The following EFR3A variants were observed in gnomAD, a reference collection of about 807,000 sequenced individuals.
EFR3A encodes protein EFR3 homolog A.
In EFR3A, 76 loss-of-function variants were observed where a neutral mutation model predicts 104.4. The observed-to-expected ratio is 0.73, with a 90% confidence interval of 0.60 to 0.88. The LOEUF is 0.88. Ranked by LOEUF, EFR3A falls within the 40% of genes least tolerant of loss-of-function variation. The pLI, the probability that EFR3A is intolerant of heterozygous loss-of-function variation, is 0.00. For missense variants in EFR3A, 985 were observed against 1,012.5 expected (o/e 0.97, Z 0.37); for synonymous variants, 330 against 330.0 (o/e 1.00, Z 0.00).
At chr8:131,980,368 C>CT (rs1488948879) in intron 14 of EFR3A, among the ~76,000 whole-genome samples, 156 of 151,966 alleles carry the variant, frequency 1.0e-3, no homozygotes, top group African/African-American at 3.5e-3. Flanking sequence ...AATGTGATTC[C>CT]TTGAATAAAA....
intron 22 of EFR3A, among the ~76,000 whole-genome samples, chr8:132,004,045 A>G (rs1017673515): frequency 1.3e-5 from 2 of 152,174 alleles, no homozygotes; most frequent in African/African-American, 4.8e-5. Context: ...AATATTAGAG[A>G]CAGGTAAATG....
chr8:132,010,878 G>T lies in EFR3A; in HGVS notation c.2449G>T (p.Asp817Tyr). The T allele has an allele frequency of 1.9e-6, 3 of 1,612,368 alleles. No individual in the cohort carries two copies. The highest frequency in any genetic ancestry group is 2.5e-6 in the Non-Finnish European group (3 of 1,178,802). ...CCCAGTCTATGAGATGAAGTTTCCAGATCTGTGTGTGTACTGATCGGCGCA... is the reference window on the plus strand; with the variant it reads ...CCCAGTCTATGAGATGAAGTTTCCATATCTGTGTGTGTACTGATCGGCGCA... ...SVPVYEMKFP[D>Y]LCVY is the part of the protein sequence containing the mutation. The change falls in exon 23 of 23, where the codon GAT becomes TAT. Residue 817 changes from aspartate (D) to tyrosine (Y), a missense_variant. Asp to Tyr is a radical substitution (Grantham distance 160, BLOSUM62 -3). Transcript: ENST00000254624.
Position 131,992,647 on chromosome 8 carries a change from G to A in EFR3A, c.2066-3759G>A, listed in dbSNP as rs189813943. Among the ~76,000 whole-genome samples, 413 of 152,286 alleles carry A rather than the reference G, an allele frequency of 2.7e-3. 2 individuals carry two copies. Among genetic ancestry groups the A allele is most frequent in the Middle Eastern group, 6.8e-3 (2 of 294 alleles). On this transcript the variant is annotated intron_variant, in intron 18 of 22. Transcript: ENST00000254624. ...GTAATATTTAACACTTTAAGGAAGC[G>A]ATGTGATGTTCAGATAGGCCTTGAA... is the stretch of plus-strand genomic sequence containing the variant.
chr8:132,002,564 T>C (rs755881252), intron 20 of EFR3A, 39 bp from the exon 21 acceptor site: 2 of 1,525,840 alleles, frequency 1.3e-6, no homozygotes. Flanking sequence ...TGTGAAATTA[T>C]GTATTCCCTT....
intron 10 of EFR3A, among the ~76,000 whole-genome samples, chr8:131,971,825 G>A (rs1820070445): frequency 6.6e-6 from 1 of 152,008 alleles, no homozygotes; most frequent in Non-Finnish European, 1.5e-5. Flanking sequence ...ATCACTTAAG[G>A]CATTATTATA....
rs918375669 is a variant in EFR3A, at chr8:132,013,176, A to G, written c.*2281A>G. On this transcript the variant is annotated 3_prime_UTR_variant, in exon 23 of 23. Transcript: ENST00000254624. ...TATTTTTGTAGATAAATAAAACTCA[A>G]TAAATTGTTAATCATTCTCTTTTTG... 2.0e-5 allele frequency: 3 copies of G among 152,308 alleles called. No homozygotes were observed. The highest frequency in any genetic ancestry group is 7.2e-5 in the African/African-American group (3 of 41,452). 9.4% of individuals were successfully genotyped at this position (152,308 alleles called of 1,614,324 possible). A position where few individuals can be genotyped will look rare whatever the true frequency, so the allele number is the denominator to read the frequency against.
chr8:131,996,243 A>G (rs1821477987), intron 18 of EFR3A, 163 bp from the exon 19 acceptor site: 3 of 463,338 alleles, frequency 6.5e-6, no homozygotes, highest in Non-Finnish European at 1.1e-5. Context: ...CACGAAATGT[A>G]AAAGTCCGAG....
intron 18 of EFR3A, among the ~76,000 whole-genome samples, chr8:131,993,461 AG>A (rs1431541714): frequency 2.0e-5 from 3 of 152,190 alleles, no homozygotes; most frequent in African/African-American, 7.2e-5. Flanking sequence ...TAACAGCATT[AG>A]TTACAACCAT....
At chr8:131,945,845 C>T (rs28733412) in intron 3 of EFR3A, among the ~76,000 whole-genome samples, 23,424 of 151,938 alleles carry the variant, frequency 0.15, 2,295 homozygotes, top group East Asian at 0.34. Flanking sequence ...TAACTTTAGT[C>T]ACCCTACTGT....
chr8:131,986,368 C>T (rs1820881863), intron 17 of EFR3A, 107 bp downstream of exon 17: 1 of 516,150 alleles, frequency 1.9e-6, no homozygotes, highest in South Asian at 4.1e-5. Context: ...GTGCTTTATA[C>T]TAATCATCAT....
rs1256866794 is a variant in EFR3A, at chr8:132,011,968, C to T, written c.*1073C>T. 6.6e-6 allele frequency: 1 copy of T among 152,126 alleles called. No individual in the cohort carries two copies. The highest frequency in any genetic ancestry group is 6.6e-5 in the Admixed American group (1 of 15,260). 9.4% of individuals were successfully genotyped at this position (152,126 alleles called of 1,614,324 possible). On this transcript the variant is annotated 3_prime_UTR_variant, in exon 23 of 23. Transcript: ENST00000254624. ...GTGTGCTAAAGTTTGTCAATTTAAG[C>T]TGCTTTTGATTTCAGCTACCAAGAT... is the stretch of plus-strand genomic sequence containing the variant.
intron 8 of EFR3A, among the ~76,000 whole-genome samples, 153 bp from the exon 9 acceptor site, chr8:131,968,142 G>A (rs1158186609): frequency 1.3e-5 from 2 of 151,986 alleles, no homozygotes; most frequent in Non-Finnish European, 2.9e-5. Flanking sequence ...TTCTTTAAAA[G>A]AATGGCTTTG....
Position 131,984,654 on chromosome 8 carries a change from G to A in EFR3A, c.1738-275G>A, listed in dbSNP as rs537963322. Among the ~76,000 whole-genome samples the A allele has an allele frequency of 1.8e-3, 279 of 152,204 alleles. 2 individuals are homozygous for A. Among genetic ancestry groups the A allele is most frequent in the African/African-American group, 6.5e-3 (271 of 41,532 alleles). On this transcript the variant is annotated intron_variant, in intron 15 of 22. Transcript: ENST00000254624. ...GTAAGTGTTATGTAATAGAAGGACA[G>A]TATGCAATGGCCATATATGCATGTC...
intron 10 of EFR3A, 73 bp downstream of exon 10, chr8:131,970,716 CTATTATA>C: frequency 2.2e-6 from 3 of 1,378,522 alleles, no homozygotes; most frequent in Non-Finnish European, 3.0e-6. Context: ...AGGTCCTGGA[CTATTATA>C]GTACATTTGT....
At chr8:131,982,665 C>T (rs566190242) in intron 14 of EFR3A, among the ~76,000 whole-genome samples, 2 of 152,124 alleles carry the variant, frequency 1.3e-5, no homozygotes, top group East Asian at 3.9e-4. Context: ...TAAAAACAAA[C>T]TTGAATTACT....
At chr8:131,988,473 A>G (rs892116436) in intron 18 of EFR3A, among the ~76,000 whole-genome samples, 3 of 151,974 alleles carry the variant, frequency 2.0e-5, no homozygotes, top group Non-Finnish European at 4.4e-5. Context: ...ATGGATCCAA[A>G]ATATATACAT....
intron 1 of EFR3A, among the ~76,000 whole-genome samples, chr8:131,916,266 T>A (rs1364198445): frequency 6.6e-6 from 1 of 152,206 alleles, no homozygotes; most frequent in Non-Finnish European, 1.5e-5. Context: ...TGGTGGGCTT[T>A]GGACTTGGAT....
chr8:131,971,403 A>C (rs1563677949), intron 10 of EFR3A, among the ~76,000 whole-genome samples: 2 of 152,070 alleles, frequency 1.3e-5, no homozygotes, highest in African/African-American at 4.8e-5. Flanking sequence ...TTTCCTTGTG[A>C]TTAGGCCGTG....
chr8:131,904,354 G>A, intron 1 of EFR3A, 32 bp downstream of exon 1: 2 of 1,245,774 alleles, frequency 1.6e-6, no homozygotes, highest in Non-Finnish European at 2.0e-6. Flanking sequence ...GGGGGCGTTG[G>A]GAGGCGACTG....
Sources: gnomAD v4.1 joint callset for allele counts (sites outside exome capture counted in the v4.1 genomes callset) on GRCh38, gnomAD v4.1.1 for gene constraint, MANE v1.5 for transcripts, NCBI Gene and HGNC (gene_info 2026-07-23, HGNC 2026-07-21) for gene names.